The following OSBP2 variants were observed in gnomAD, a reference collection of about 807,000 sequenced individuals.
OSBP2 encodes the protein oxysterol binding protein 2, also known as oxysterol-binding protein 2.
A neutral mutation model predicts 96.0 loss-of-function variants in OSBP2; 66 were observed. The observed-to-expected ratio is 0.69, with a 90% CI of 0.56 to 0.84. OSBP2 has a LOEUF of 0.84. Among genes scored for constraint, OSBP2 ranks in the 40% least tolerant of loss-of-function variants. The probability of loss-of-function intolerance (pLI) is 0.00; values close to 1 mark genes in which losing one functional copy is unlikely to be tolerated. For missense variants in OSBP2, 1,038 were observed against 1,222.7 expected, an observed-to-expected ratio of 0.85 and a Z score of 2.25; for synonymous variants, 525 against 520.9, an observed-to-expected ratio of 1.01 and a Z score of -0.11.
chr22:30,711,331 A>G (rs1445238928), intron 1 of OSBP2, among the ~76,000 whole-genome samples: 4 of 151,988 alleles, frequency 2.6e-5, no homozygotes, highest in Non-Finnish European at 4.4e-5. Flanking sequence ...ATATATGTAC[A>G]TACATATATA....
In OSBP2 at chr22:30,767,383, C is replaced by G. The variant is rs539246091; in HGVS notation, c.853+26014C>G. Among the ~76,000 whole-genome samples the G allele has an allele frequency of 5.3e-5, 8 of 152,156 alleles. No homozygotes were observed. In the South Asian group the frequency reaches 1.7e-3, roughly 32 times the overall value. On this transcript the variant is annotated intron_variant, in intron 2 of 13. Coordinates refer to ENST00000332585, the MANE Select transcript of OSBP2 (RefSeq NM_030758.4). Reference sequence around the variant, plus strand: ...AAGACTCTCAGGAATCGTCACATACCTGTCACCCAGATGCCACAGTTACCA... The same window carrying G: ...AAGACTCTCAGGAATCGTCACATACGTGTCACCCAGATGCCACAGTTACCA...
In OSBP2 at chr22:30,852,520, AT is replaced by A. The variant is rs553560443; in HGVS notation, c.854-17900del. 3.7e-3 allele frequency among the ~76,000 whole-genome samples: 558 copies of A among 151,232 alleles called. 2 individuals carry two copies. Among genetic ancestry groups the A allele is most frequent in the Middle Eastern group, 0.01 (3 of 290 alleles). ...TTCATTTCTATCATTGATAATTTGT[AT>A]TTTTTTTTATTTCTTGACTGCCCTA... On this transcript the variant is annotated intron_variant, in intron 2 of 13. Coordinates refer to ENST00000332585, the MANE Select transcript of OSBP2 (RefSeq NM_030758.4).
At chr22:30,868,289 CT>C (rs1200306998) in intron 2 of OSBP2, among the ~76,000 whole-genome samples, 3 of 152,234 alleles carry the variant, frequency 2.0e-5, no homozygotes, top group African/African-American at 7.2e-5. Context: ...GTGGCTTGGC[CT>C]CTCAGAACCT....
intron 2 of OSBP2, among the ~76,000 whole-genome samples, chr22:30,793,112 G>A (rs956462424): frequency 3.9e-5 from 6 of 152,204 alleles, no homozygotes; most frequent in Non-Finnish European, 7.3e-5. Context: ...TTTAGGAGCC[G>A]GGTGCGGTGG....
chr22:30,711,257 AT>A (rs2089342912), intron 1 of OSBP2, among the ~76,000 whole-genome samples: 1 of 151,910 alleles, frequency 6.6e-6, no homozygotes, highest in Non-Finnish European at 1.5e-5. Context: ...AAGCTAGGAA[AT>A]ATCTATATTT....
At chr22:30,805,018 A>C (rs1413539848) in intron 2 of OSBP2, among the ~76,000 whole-genome samples, 1 of 152,226 alleles carries the variant, frequency 6.6e-6, no homozygotes, top group Admixed American at 6.5e-5. Flanking sequence ...CTATCTATCT[A>C]TATATATTTT....
chr22:30,757,474 A>G (rs925041470), intron 2 of OSBP2, among the ~76,000 whole-genome samples: 1 of 151,652 alleles, frequency 6.6e-6, no homozygotes, highest in Non-Finnish European at 1.5e-5. Context: ...CTGGAGTACA[A>G]TGGCATGATC....
Position 30,881,595 on chromosome 22 carries a change from G to A in OSBP2, c.1108-5831G>A, listed in dbSNP as rs1337494687. On this transcript the variant is annotated intron_variant, in intron 3 of 13. Transcript: ENST00000332585. This position sits in a 1 kb window ranked among gnomAD's most constrained non-coding sequence, Gnocchi z 4.5. ...GCTGGGTCAGCCAGGCCCTCCCTGG[G>A]CCCCTGGGAACCTCCCCCTGCCAGT... The A allele has an allele frequency of 8.1e-7, 1 of 1,236,358 alleles. No homozygotes were observed. Among genetic ancestry groups the A allele is most frequent in the East Asian group, 5.8e-5 (1 of 17,380 alleles). The allele number at this position is 1,236,358 out of a possible 1,614,324, so 76.6% of individuals were successfully genotyped here.
At chr22:30,790,310 G>C (rs1040422) in intron 2 of OSBP2, among the ~76,000 whole-genome samples, 18,709 of 152,072 alleles carry the variant, frequency 0.12, 1,888 homozygotes, top group East Asian at 0.33. Flanking sequence ...AGGAGGGGGG[G>C]GCGGGGAAAG....
At chr22:30,810,329 G>A (rs2090989139) in intron 2 of OSBP2, among the ~76,000 whole-genome samples, 1 of 152,146 alleles carries the variant, frequency 6.6e-6, no homozygotes, top group Admixed American at 6.5e-5. Context: ...CAGGGCCACT[G>A]GATTCAGGGA....
chr22:30,765,462 G>A (rs978038263), intron 2 of OSBP2, among the ~76,000 whole-genome samples: 9 of 151,986 alleles, frequency 5.9e-5, no homozygotes, highest in Non-Finnish European at 7.4e-5. Context: ...GCCCACCTCC[G>A]CCTCCCAAAC....
intron 2 of OSBP2, among the ~76,000 whole-genome samples, chr22:30,862,553 G>T (rs2039234318): frequency 6.6e-6 from 1 of 152,164 alleles, no homozygotes; most frequent in African/African-American, 2.4e-5. Flanking sequence ...GGTGGCACAT[G>T]CCTGTAATCT....
chr22:30,783,956 C>A (rs545984686), intron 2 of OSBP2, among the ~76,000 whole-genome samples: 1 of 152,274 alleles, frequency 6.6e-6, no homozygotes, highest in South Asian at 2.1e-4. Flanking sequence ...TTGAAAGTGG[C>A]CTTCAGCATG....
intron 2 of OSBP2, among the ~76,000 whole-genome samples, chr22:30,747,210 G>C (rs368245544): frequency 6.6e-6 from 1 of 152,224 alleles, no homozygotes; most frequent in South Asian, 2.1e-4. Flanking sequence ...GTAGGAACTA[G>C]GGGGAGATGG....
chr22:30,826,202 T>C (rs1035407114), intron 2 of OSBP2, among the ~76,000 whole-genome samples: 1 of 152,168 alleles, frequency 6.6e-6, no homozygotes, highest in African/African-American at 2.4e-5. Flanking sequence ...AATTCACAAA[T>C]AGGGACTTTT....
chr22:30,888,270 A>T lies in OSBP2; in HGVS notation c.1348A>T (p.Thr450Ser), dbSNP rs2039861277. ...AGAGGACAGTGAGGAAGATGAAGATACCGAGTACTTTGATGCCATGGAAGA... is the reference window on the plus strand; with the variant it reads ...AGAGGACAGTGAGGAAGATGAAGATTCCGAGTACTTTGATGCCATGGAAGA... ...KGEDSEEDED[T>S]EYFDAMEDST... Residue 450 changes from threonine to serine, a missense_variant, in exon 5 of 14, where the codon ACC becomes TCC. By Grantham distance (58) the Thr-to-Ser change is moderately conservative (BLOSUM62 1). This residue lies in a region of OSBP2 where 737 missense variants were observed against 913.3 expected (regional missense o/e 0.81). Coordinates refer to ENST00000332585, the MANE Select transcript of OSBP2 (RefSeq NM_030758.4). 2 of 1,613,838 alleles carry T rather than the reference A, an allele frequency of 1.2e-6. No individual in the cohort carries two copies. The highest frequency in any genetic ancestry group is 1.7e-6 in the Non-Finnish European group (2 of 1,179,756).
In OSBP2 at chr22:30,888,960, T is replaced by C. The variant is rs4820913; in HGVS notation, c.1419-217T>C. 4.8e-3 allele frequency among the ~76,000 whole-genome samples: 738 copies of C among 152,286 alleles called. 1 individual carries two copies. The highest frequency in any genetic ancestry group is 0.017 in the Middle Eastern group (5 of 294). On this transcript the variant is annotated intron_variant, in intron 5 of 13. Transcript: ENST00000332585. ...TGTATCTAAACATAGAAAAGGTATA[T>C]TAAAAATACGATATGATAGTCTTAT...
chr22:30,882,829 TC>T (rs1381228198), intron 3 of OSBP2, among the ~76,000 whole-genome samples: 7 of 152,294 alleles, frequency 4.6e-5, no homozygotes, highest in African/African-American at 1.7e-4. Context: ...AGTATTAGAG[TC>T]CCTGTGAACA....
Position 30,695,259 on chromosome 22 carries a change from G to C in OSBP2, c.350G>C (p.Gly117Ala). ...GAGTCAAGCTCAGGTGTAGGGGCTG[G>C]GCCCTTCACTAAGGCCGCATCGGAG... Reference protein sequence around the residue: ...GSESSSGVGAGPFTKAASEPL... With the variant: ...GSESSSGVGAAPFTKAASEPL... Residue 117 changes from glycine (G) to alanine (A), a missense_variant, in exon 1 of 14, where the codon GGG becomes GCG. By Grantham distance (60) the Gly-to-Ala change is moderately conservative. Around this residue, in one of 3 missense-constraint regions of OSBP2, gnomAD observed 281 missense variants for 273.4 expected, o/e 1.03. Transcript: ENST00000332585. The C allele has an allele frequency of 2.5e-6, 4 of 1,613,480 alleles. No homozygotes were observed. The highest frequency in any genetic ancestry group is 3.4e-6 in the Non-Finnish European group (4 of 1,180,008).
Sources: allele counts gnomAD v4.1 joint callset (sites outside exome capture counted in the v4.1 genomes callset), GRCh38; gene constraint gnomAD v4.1.1; regional missense constraint gnomAD v4.1.1; non-coding constraint Gnocchi (gnomAD v3.1); transcripts MANE v1.5; gene names NCBI Gene and HGNC (gene_info 2026-07-23, HGNC 2026-07-21).